Variants in LARGE1 observed in about 807,000 individuals in gnomAD.
The protein encoded by LARGE1 is xylosyl- and glucuronyltransferase LARGE1.
In LARGE1, 43 loss-of-function variants were observed where a neutral mutation model predicts 87.6. The observed-to-expected ratio is 0.49, with a 90% confidence interval of 0.38 to 0.63. The LOEUF is 0.63. LARGE1 is among the 30% of genes least tolerant of loss of function. The probability of loss-of-function intolerance (pLI) is 0.00; values close to 1 mark genes in which losing one functional copy is unlikely to be tolerated. For synonymous variants in LARGE1, 434 were observed against 394.6 expected (o/e 1.10, Z -1.18); for missense variants, 802 against 1,000.2 (o/e 0.80, Z 2.67).
intron 6 of LARGE1, among the ~76,000 whole-genome samples, chr22:33,543,693 C>A (rs2077275425): frequency 6.6e-6 from 1 of 152,226 alleles, no homozygotes; most frequent in African/African-American, 2.4e-5. Flanking sequence ...TTGCTTCAGG[C>A]ATGGCTGGAA....
At chr22:33,255,585 T>G (rs1927221498) in intron 11 of LARGE1, among the ~76,000 whole-genome samples, 1 of 152,232 alleles carries the variant, frequency 6.6e-6, no homozygotes, top group Admixed American at 6.5e-5. Context: ...ATATCTGAGT[T>G]TGTTGCTTGA....
chr22:33,511,301 G>GTAATA (rs1481376593), intron 6 of LARGE1, among the ~76,000 whole-genome samples: 1 of 152,132 alleles, frequency 6.6e-6, no homozygotes, highest in Non-Finnish European at 1.5e-5. Context: ...ACCCCATGTG[G>GTAATA]TAATATTTAT....
intron 6 of LARGE1, among the ~76,000 whole-genome samples, chr22:33,548,281 C>T (rs891460874): frequency 2.7e-4 from 41 of 152,228 alleles, no homozygotes; most frequent in East Asian, 2.1e-3. Context: ...TGCCTGCCCC[C>T]GCTCTGCCTT....
chr22:33,376,890 C>T (rs576587884), intron 9 of LARGE1, among the ~76,000 whole-genome samples: 43 of 152,192 alleles, frequency 2.8e-4, no homozygotes, highest in Non-Finnish European at 5.3e-4. Flanking sequence ...AGTAGACAGA[C>T]GAGGAGCACC....
chr22:33,409,345 G>C (rs1202292753), intron 7 of LARGE1, among the ~76,000 whole-genome samples: 2 of 152,282 alleles, frequency 1.3e-5, no homozygotes, highest in Admixed American at 1.3e-4. Flanking sequence ...GGCAGCCCCA[G>C]GGGAAAGCAT....
At chr22:33,421,560 G>A (rs1486904149) in intron 7 of LARGE1, among the ~76,000 whole-genome samples, 1 of 152,176 alleles carries the variant, frequency 6.6e-6, no homozygotes, top group African/African-American at 2.4e-5. Context: ...CCCTCCGTCT[G>A]CCTCTTAAAA....
intron 7 of LARGE1, among the ~76,000 whole-genome samples, chr22:33,388,764 G>A (rs755158122): frequency 3.3e-5 from 5 of 151,838 alleles, no homozygotes; most frequent in East Asian, 1.9e-4. Context: ...ATGGGGTTTC[G>A]CCATGTTGGC....
Position 33,884,447 on chromosome 22 carries a change from C to T in LARGE1, c.-83+35548G>A, listed in dbSNP as rs374760571. On this transcript the variant is annotated intron_variant, in intron 1 of 14. Transcript: ENST00000397394. Reference sequence around the variant, plus strand: ...ATCAAACCCCACTTCTCTTCTGAGGCCCCCATATTGTGCCAGCCCACGCAA... The same window carrying T: ...ATCAAACCCCACTTCTCTTCTGAGGTCCCCATATTGTGCCAGCCCACGCAA... 5.6e-4 allele frequency among the ~76,000 whole-genome samples: 86 copies of T among 152,326 alleles called. 1 individual carries two copies. The South Asian group carries it at 9.5e-3, about 17-fold the overall frequency.
At chr22:33,241,817 T>A (rs1568986852) in intron 11 of LARGE1, among the ~76,000 whole-genome samples, 1 of 151,774 alleles carries the variant, frequency 6.6e-6, no homozygotes, top group Non-Finnish European at 1.5e-5. Flanking sequence ...CTCCTACAAG[T>A]AGAGAGTAGG....
At chr22:33,711,966 A>T (rs1248276808) in intron 2 of LARGE1, among the ~76,000 whole-genome samples, 2 of 152,158 alleles carry the variant, frequency 1.3e-5, no homozygotes, top group African/African-American at 2.4e-5. Context: ...TGACCTAGAA[A>T]TACGGGTTTT....
intron 2 of LARGE1, among the ~76,000 whole-genome samples, chr22:33,728,200 A>T (rs1403516440): frequency 1.3e-5 from 2 of 152,044 alleles, no homozygotes; most frequent in Admixed American, 6.6e-5. Flanking sequence ...ACACATATGC[A>T]GGCTATTCCT....
At chr22:33,607,401 C>T (rs997281746) in intron 4 of LARGE1, among the ~76,000 whole-genome samples, 1 of 135,030 alleles carries the variant, frequency 7.4e-6, no homozygotes, top group African/African-American at 2.9e-5. Flanking sequence ...GCAGAGGTTG[C>T]TGTGAGCCAA....
chr22:33,110,966 C>T, the LARGE1 span, among the ~76,000 whole-genome samples: 4 of 152,106 alleles, frequency 2.6e-5, no homozygotes, highest in Admixed American at 2.6e-4. Flanking sequence ...AAAAGCTCTG[C>T]TTTTAGGAGG....
chr22:33,451,618 G>T (rs1159222652), intron 6 of LARGE1, among the ~76,000 whole-genome samples: 1 of 151,244 alleles, frequency 6.6e-6, no homozygotes, highest in Non-Finnish European at 1.5e-5. Flanking sequence ...GAGTGCAGTG[G>T]CATGATCTCG....
chr22:33,094,139 C>T, the LARGE1 span, among the ~76,000 whole-genome samples: 1 of 152,046 alleles, frequency 6.6e-6, no homozygotes, highest in Non-Finnish European at 1.5e-5. Context: ...ATTTTCTGAG[C>T]CCAAAGCACC....
At position 33,464,813 on chromosome 22, in the gene LARGE1, CTG is replaced by C. The variant is rs2068521568; in HGVS notation, c.788-32550_788-32549del. On this transcript the variant is annotated intron_variant, in intron 6 of 14. Transcript: ENST00000397394. ...CACTGGCAGTCACTAATAAAGTTGA[CTG>C]TGTATACACACACATGCACACACCC... is the stretch of plus-strand genomic sequence containing the variant. 3.9e-5 allele frequency among the ~76,000 whole-genome samples: 6 copies of C among 152,102 alleles called. No individual in the cohort carries two copies. The South Asian group carries it at 1.2e-3, about 32-fold the overall frequency.
chr22:33,121,387 T>G, the LARGE1 span, among the ~76,000 whole-genome samples: 1 of 152,210 alleles, frequency 6.6e-6, no homozygotes. Flanking sequence ...CCAGCATTTC[T>G]TTTAGGGTTA....
chr22:33,745,111 C>T (rs113011480), intron 2 of LARGE1, among the ~76,000 whole-genome samples: 1 of 152,160 alleles, frequency 6.6e-6, no homozygotes, highest in Non-Finnish European at 1.5e-5. Context: ...GGGAACAGAA[C>T]AAGCGAAGAA....
intron 6 of LARGE1, among the ~76,000 whole-genome samples, chr22:33,488,938 C>CT (rs1232943594): frequency 1.3e-5 from 2 of 152,206 alleles, no homozygotes; most frequent in African/African-American, 4.8e-5. Context: ...CCTGGAGTAC[C>CT]TATCAAAGTC....
Sources: allele counts gnomAD v4.1 joint callset (sites outside exome capture counted in the v4.1 genomes callset), GRCh38; gene constraint gnomAD v4.1.1; transcripts MANE v1.5; gene names NCBI Gene and HGNC (gene_info 2026-07-23, HGNC 2026-07-21).